The following ANK3 variants were observed in gnomAD, a reference collection of about 807,000 sequenced individuals.
The protein encoded by ANK3 is ankyrin-3.
ANK3 carries 57 observed loss-of-function variants against 370.9 expected under a neutral mutation model. The observed-to-expected ratio is 0.15, with a 90% CI of 0.12 to 0.19. The LOEUF is 0.19. Among genes scored for constraint, ANK3 ranks in the 10% least tolerant of loss-of-function variants. ANK3 has a pLI of 1.00. For synonymous variants in ANK3, 1,929 were observed against 1,946.3 expected, an observed-to-expected ratio of 0.99 and a Z score of 0.23; for missense variants, 4,439 against 5,302.1, an observed-to-expected ratio of 0.84 and a Z score of 5.06.
chr10:60,514,767 A>G (rs10821779), intron 2 of ANK3, among the ~76,000 whole-genome samples: 111,150 of 152,034 alleles, frequency 0.73, 40,653 homozygotes, highest in South Asian at 0.88. Flanking sequence ...AAATAGAACC[A>G]CTAAAGGATA....
chr10:60,185,041 T>C (rs962273003), intron 17 of ANK3, among the ~76,000 whole-genome samples: 1 of 152,140 alleles, frequency 6.6e-6, no homozygotes, highest in African/African-American at 2.4e-5. Flanking sequence ...TATAGAAAAT[T>C]CAAAAGATCA....
intron 1 of ANK3, among the ~76,000 whole-genome samples, chr10:60,346,490 A>T (rs2055526940): frequency 6.6e-6 from 1 of 152,108 alleles, no homozygotes; most frequent in Non-Finnish European, 1.5e-5. Context: ...AGATAAAAAC[A>T]ATATTATTTT....
At chr10:60,439,420 G>A (rs934067084) in intron 2 of ANK3, among the ~76,000 whole-genome samples, 2 of 152,098 alleles carry the variant, frequency 1.3e-5, no homozygotes, top group Non-Finnish European at 2.9e-5. Context: ...TACTTTGGGA[G>A]GCCAACGTAG....
At chr10:60,465,776 C>CTTTTCTTTCTTTTTT (rs2064996352) in intron 2 of ANK3, among the ~76,000 whole-genome samples, 1 of 132,886 alleles carries the variant, frequency 7.5e-6, no homozygotes, top group African/African-American at 2.8e-5. Flanking sequence ...TTTTCTTTTT[C>CTTTTCTTTCTTTTTT]TTTTTTTTCT....
chr10:60,339,175 A>G (rs1027341561), intron 1 of ANK3, among the ~76,000 whole-genome samples: 1 of 151,946 alleles, frequency 6.6e-6, no homozygotes, highest in South Asian at 2.1e-4. Context: ...GCATAGCTAT[A>G]TGGTTTCCAC....
chr10:60,115,753 G>C (rs1434779112), intron 25 of ANK3, among the ~76,000 whole-genome samples: 1 of 151,336 alleles, frequency 6.6e-6, no homozygotes, highest in African/African-American at 2.4e-5. Context: ...ATGAAGGATA[G>C]GTTAAAAAAA....
intron 2 of ANK3, among the ~76,000 whole-genome samples, chr10:60,470,872 T>A (rs996168279): frequency 6.6e-6 from 1 of 152,164 alleles, no homozygotes; most frequent in Non-Finnish European, 1.5e-5. Context: ...TAAGTGCAGT[T>A]AATAAAATTA....
chr10:60,150,501 G>C (rs1388374798), intron 23 of ANK3, among the ~76,000 whole-genome samples: 4 of 152,080 alleles, frequency 2.6e-5, no homozygotes, highest in Admixed American at 6.6e-5. Context: ...ACATGGTTTG[G>C]ATGTCTGTGC....
intron 1 of ANK3, among the ~76,000 whole-genome samples, chr10:60,722,752 C>T (rs1250556665): frequency 6.6e-6 from 1 of 152,146 alleles, no homozygotes; most frequent in East Asian, 1.9e-4. Context: ...TGAGATCTCA[C>T]TCAGTGAGTT....
At chr10:60,294,747 T>C (rs1381556735) in intron 1 of ANK3, among the ~76,000 whole-genome samples, 1 of 152,120 alleles carries the variant, frequency 6.6e-6, no homozygotes, top group Non-Finnish European at 1.5e-5. Context: ...ATAGACTGAT[T>C]TGGGATTGTA....
chr10:60,463,716 A>AT (rs113653310), intron 2 of ANK3, among the ~76,000 whole-genome samples: 39,373 of 148,838 alleles, frequency 0.26, 5,608 homozygotes, highest in East Asian at 0.48. Flanking sequence ...TTTCCAGGAG[A>AT]TTTTTTTTTG....
At chr10:60,079,289 C>T (rs1057318180) in intron 36 of ANK3, among the ~76,000 whole-genome samples, 18 of 151,076 alleles carry the variant, frequency 1.2e-4, no homozygotes, top group African/African-American at 2.9e-4. Flanking sequence ...GGGAGGATTT[C>T]GACATTTCTG....
intron 1 of ANK3, among the ~76,000 whole-genome samples, chr10:60,311,109 G>C (rs2046251412): frequency 1.3e-5 from 2 of 152,156 alleles, no homozygotes; most frequent in Non-Finnish European, 1.5e-5. Context: ...ACCATCTTCT[G>C]GTGGTGGTTG....
intron 1 of ANK3, among the ~76,000 whole-genome samples, chr10:60,368,868 C>T (rs1352086077): frequency 2.0e-5 from 3 of 152,124 alleles, no homozygotes; most frequent in East Asian, 1.9e-4. Flanking sequence ...CATATAACCT[C>T]TAAGAATTAA....
At chr10:60,421,543 A>G (rs187101274) in intron 2 of ANK3, among the ~76,000 whole-genome samples, 151 of 151,996 alleles carry the variant, frequency 9.9e-4, no homozygotes, top group African/African-American at 3.4e-3. Flanking sequence ...GTGGAGGACA[A>G]TGAGGGGAGG....
chr10:60,209,659 A>G (rs1412910078), intron 9 of ANK3, among the ~76,000 whole-genome samples: 1 of 152,222 alleles, frequency 6.6e-6, no homozygotes, highest in Non-Finnish European at 1.5e-5. Flanking sequence ...GGTGCAGGAA[A>G]AGGTAGGAAC....
chr10:60,373,413 A>G (rs545843816), intron 1 of ANK3, among the ~76,000 whole-genome samples: 1 of 152,192 alleles, frequency 6.6e-6, no homozygotes, highest in Non-Finnish European at 1.5e-5. Context: ...CAAGGCAAGA[A>G]TTGGGTCCTG....
chr10:60,272,776 C>CT lies in ANK3; in HGVS notation c.415-2548dup, dbSNP rs66866154. On this transcript the variant is annotated intron_variant, in intron 4 of 43. Transcript: ENST00000280772. ...TACAGGCATGAGCCACCACACCCAC[C>CT]TTTTTTTTTTTAATTCCAAAATAAG... 5.4e-4 allele frequency among the ~76,000 whole-genome samples: 52 copies of CT among 96,372 alleles called. No individual in the cohort carries two copies. The South Asian group carries it at 6.6e-3, about 12-fold the overall frequency. 63.2% of individuals were successfully genotyped at this position (96,372 alleles called of 152,430 possible).
intron 1 of ANK3, among the ~76,000 whole-genome samples, chr10:60,377,240 A>T (rs1372087606): frequency 1.3e-5 from 2 of 152,224 alleles, no homozygotes; most frequent in African/African-American, 4.8e-5. Context: ...TGTTCCTTTC[A>T]GCATGTCCTG....
Sources: allele counts gnomAD v4.1 joint callset (sites outside exome capture counted in the v4.1 genomes callset), GRCh38; gene constraint gnomAD v4.1.1; transcripts MANE v1.5; gene names NCBI Gene and HGNC (gene_info 2026-07-23, HGNC 2026-07-21).